Variants in ZNF831 observed in about 807,000 individuals in gnomAD.
ZNF831 encodes the protein chromosome 20 open reading frame 174.
In ZNF831, 59 loss-of-function variants were observed where a neutral mutation model predicts 95.8. The ratio of observed to expected loss-of-function variants is 0.62; its 90% CI spans 0.50 to 0.77. The LOEUF (loss-of-function observed/expected upper bound fraction) is 0.77. Ranked by LOEUF, ZNF831 falls within the 30% of genes least tolerant of loss-of-function variation. The pLI, the probability that ZNF831 is intolerant of heterozygous loss-of-function variation, is 0.00. For synonymous variants in ZNF831, 961 were observed against 925.5 expected, an observed-to-expected ratio of 1.04 and a Z score of -0.70; for missense variants, 2,205 against 2,164.0, an observed-to-expected ratio of 1.02 and a Z score of -0.38.
At chr20:59,212,180 A>T (rs993242939) in intron 4 of ZNF831, among the ~76,000 whole-genome samples, 1 of 152,116 alleles carries the variant, frequency 6.6e-6, no homozygotes, top group African/African-American at 2.4e-5. Flanking sequence ...GATGATGGAG[A>T]GAGAGTTTTT....
At chr20:59,225,853 A>T (rs1259222122) in intron 4 of ZNF831, among the ~76,000 whole-genome samples, 1 of 152,172 alleles carries the variant, frequency 6.6e-6, no homozygotes, top group Non-Finnish European at 1.5e-5. Flanking sequence ...CAGCTCAAAA[A>T]GGTTTAAGCA....
rs2146591739 is a variant in ZNF831, at chr20:59,193,944, A to T, written c.2925A>T (p.Glu975Asp). The T allele has an allele frequency of 1.3e-6, 2 of 1,584,448 alleles. No individual in the cohort carries two copies. Among genetic ancestry groups the T allele is most frequent in the Non-Finnish European group, 1.7e-6 (2 of 1,165,276 alleles). Residue 975 changes from glutamate (E) to aspartate (D), a missense_variant, in exon 2 of 6, where the codon GAA becomes GAT. Transcript: ENST00000371030. The stretch of plus-strand genomic sequence containing the variant: ...TCTGCAGCAGTGGGTGGCCTGAAGA[A>T]CGGGCATCATTTGTTGGGTCAGGAC... ...DSLCSSGWPE[E>D]RASFVGSGLG...
chr20:59,182,223 G>T (rs1982676962), intron 1 of ZNF831, among the ~76,000 whole-genome samples: 1 of 152,212 alleles, frequency 6.6e-6, no homozygotes, highest in Admixed American at 6.5e-5. Context: ...TCCCTGTGCT[G>T]TGAACCTGCA....
upstream of ZNF831, among the ~76,000 whole-genome samples, chr20:59,162,097 A>G (rs1980908467): frequency 1.3e-5 from 2 of 152,106 alleles, no homozygotes; most frequent in Admixed American, 1.3e-4. Flanking sequence ...ACCTTTGCTC[A>G]CTTTTTAATG....
intron 2 of ZNF831, among the ~76,000 whole-genome samples, chr20:59,153,058 C>T (rs1421142665): frequency 6.6e-6 from 1 of 152,108 alleles, no homozygotes; most frequent in Non-Finnish European, 1.5e-5. Flanking sequence ...TTGGCCAGCT[C>T]TGGACTGTAC....
intron 3 of ZNF831, among the ~76,000 whole-genome samples, chr20:59,201,759 TG>T (rs1269189686): frequency 1.3e-5 from 2 of 152,212 alleles, no homozygotes; most frequent in African/African-American, 2.4e-5. Context: ...CACACTGACT[TG>T]ATTACGCCGC....
chr20:59,192,366 G>T lies in ZNF831; in HGVS notation c.1347G>T (p.Lys449Asn). The T allele has an allele frequency of 6.2e-7, 1 of 1,611,784 alleles. No individual in the cohort carries two copies. Among genetic ancestry groups the T allele is most frequent in the Non-Finnish European group, 8.5e-7 (1 of 1,179,412 alleles). The change falls in exon 2 of 6, where the codon AAG becomes AAT. Residue 449 changes from lysine (K) to asparagine (N), a missense_variant. By Grantham distance (94) the Lys-to-Asn change is moderately conservative. Transcript: ENST00000371030. This position sits in a 1 kb window ranked among gnomAD's most constrained non-coding sequence, Gnocchi z 5.2. ...ACCTGCCCACGCCCTACACCTACAA[G>T]GACTCCTTCCACTTTGACATCCGCG... ...SIDLPTPYTY[K>N]DSFHFDIRAL... is the part of the protein sequence containing the mutation.
In ZNF831 at chr20:59,150,039, C is replaced by T. The variant is rs904436183; in HGVS notation, c.-1281+3665C>T. 1.6e-4 allele frequency among the ~76,000 whole-genome samples: 25 copies of T among 152,254 alleles called. 1 individual carries two copies. Among genetic ancestry groups the T allele is most frequent in the Non-Finnish European group, 5.9e-5 (4 of 68,044 alleles). On this transcript the variant is annotated intron_variant, in intron 2 of 7. Transcript: ENST00000637017. ...CTGAGAGGAGCCCTAGAAACGGGCT[C>T]TGTTGATAAAAACACACATACCCTT...
intron 1 of ZNF831, among the ~76,000 whole-genome samples, chr20:59,179,099 G>A (rs1458333084): frequency 6.6e-6 from 1 of 152,212 alleles, no homozygotes; most frequent in Non-Finnish European, 1.5e-5. Context: ...CACACTGTGA[G>A]CTCCACGACA....
chr20:59,190,959 G>T, intron 1 of ZNF831, 25 bp from the exon 2 acceptor site: 1 of 1,459,618 alleles, frequency 6.9e-7, no homozygotes, highest in South Asian at 1.5e-5. Flanking sequence ...AGGTGCCCAT[G>T]GTAAAGTTTG....
chr20:59,190,433 G>A (rs2146539600), intron 1 of ZNF831, among the ~76,000 whole-genome samples: 1 of 152,294 alleles, frequency 6.6e-6, no homozygotes, highest in African/African-American at 2.4e-5. Flanking sequence ...GCCTTTCCTT[G>A]CGTCAGTTTT....
At position 59,256,562 on chromosome 20, in the gene ZNF831, T is replaced by C. The variant is rs1988198007; in HGVS notation, c.*1819T>C. The C allele has an allele frequency of 6.6e-6, 1 of 152,200 alleles. No individual in the cohort carries two copies. The highest frequency in any genetic ancestry group is 2.1e-4 in the South Asian group (1 of 4,828). The allele number at this position is 152,200 out of a possible 1,614,324, so 9.4% of individuals were successfully genotyped here. A position where few individuals can be genotyped will look rare whatever the true frequency, so the allele number is the denominator to read the frequency against. On this transcript the variant is annotated 3_prime_UTR_variant, in exon 6 of 6. Coordinates refer to ENST00000371030, the MANE Select transcript of ZNF831 (RefSeq NM_178457.3). ...CTTGGTTAAGAGTCTTTCTGTACCT[T>C]AGTTTCCCTAAGTGAGAATAAGAGA...
At chr20:59,215,124 A>C (rs1021852129) in intron 4 of ZNF831, among the ~76,000 whole-genome samples, 4 of 152,256 alleles carry the variant, frequency 2.6e-5, no homozygotes, top group Non-Finnish European at 5.9e-5. Context: ...TGGGTACATT[A>C]AAACATTCCG....
chr20:59,185,942 C>T (rs182874079), intron 1 of ZNF831, among the ~76,000 whole-genome samples: 1,858 of 152,286 alleles, frequency 0.012, 16 homozygotes, highest in African/African-American at 0.026. Context: ...ACCTATTCTC[C>T]GACTCAGCAT....
chr20:59,146,852 C>T (rs1979895657), intron 2 of ZNF831: 1 of 152,192 alleles, frequency 6.6e-6, no homozygotes, highest in Non-Finnish European at 1.5e-5. Flanking sequence ...AAATAGGCTT[C>T]CTTCCTAGTA....
At position 59,256,833 on chromosome 20, in the gene ZNF831, C is replaced by T. The variant is rs1276956185; in HGVS notation, c.*2090C>T. ...GAAGAAGCTCCATCTAATTTTTTCC[C>T]CAGAGTTCCAGATTTTAGGGTGCAA... is the stretch of plus-strand genomic sequence containing the variant. On this transcript the variant is annotated 3_prime_UTR_variant, in exon 6 of 6. Transcript: ENST00000371030. The T allele has an allele frequency of 6.6e-6, 1 of 152,222 alleles. No homozygotes were observed. The highest frequency in any genetic ancestry group is 1.5e-5 in the Non-Finnish European group (1 of 68,080). The allele number at this position is 152,222 out of a possible 1,614,324, so 9.4% of individuals were successfully genotyped here.
chr20:59,226,970 G>A (rs892133003), intron 4 of ZNF831, among the ~76,000 whole-genome samples: 20 of 152,038 alleles, frequency 1.3e-4, no homozygotes, highest in African/African-American at 2.4e-5. Flanking sequence ...CATTTCTCCC[G>A]TAGGTGCCTA....
At chr20:59,177,433 CT>C (rs1982256784) in intron 1 of ZNF831, among the ~76,000 whole-genome samples, 1 of 152,190 alleles carries the variant, frequency 6.6e-6, no homozygotes, top group African/African-American at 2.4e-5. Context: ...ACCTCAGGGC[CT>C]TTGCACTGGC....
chr20:59,196,149 T>C, intron 3 of ZNF831, 144 bp downstream of exon 3: 8 of 1,183,424 alleles, frequency 6.8e-6, no homozygotes, highest in Non-Finnish European at 8.0e-6. Context: ...TGAATTTGTT[T>C]CCCACCCCTT....
Sources: allele counts gnomAD v4.1 joint callset (sites outside exome capture counted in the v4.1 genomes callset), GRCh38; gene constraint gnomAD v4.1.1; non-coding constraint Gnocchi (gnomAD v3.1); transcripts MANE v1.5; gene names NCBI Gene and HGNC (gene_info 2026-07-23, HGNC 2026-07-21).